The following KANSL1 variants were observed in gnomAD, a reference collection of about 807,000 sequenced individuals.
KANSL1 encodes KAT8 regulatory NSL complex subunit 1, also known as MLL1/MLL complex subunit KANSL1.
Under a neutral mutation model 103.6 loss-of-function variants are expected in KANSL1, and 22 were observed. That is an observed-to-expected ratio of 0.21 (90% CI 0.15 to 0.30). The LOEUF (loss-of-function observed/expected upper bound fraction) is 0.30. Among genes scored for constraint, KANSL1 ranks in the 10% least tolerant of loss-of-function variants. KANSL1 has a pLI of 1.00. For synonymous variants in KANSL1, 600 were observed against 527.6 expected (o/e 1.14, Z -1.88); for missense variants, 1,337 against 1,399.8 (o/e 0.96, Z 0.72).
At position 46,039,728 on chromosome 17, in the gene KANSL1, A is replaced by G; in HGVS notation, c.2177T>C (p.Leu726Ser). 1 of 1,613,964 alleles carries G rather than the reference A, an allele frequency of 6.2e-7. No homozygotes were observed. Among genetic ancestry groups the G allele is most frequent in the Non-Finnish European group, 8.5e-7 (1 of 1,179,918 alleles). The stretch of plus-strand genomic sequence containing the variant: ...GGCTGTTGTTAGGAAGGAGCTGACC[A>G]ATTTGTGCCTGTCCTTACGAGCTGA... The part of the protein sequence containing the change: ...PDSARKDRHK[L>S]VSSFLTTAKL... The change falls in exon 8 of 15, where the codon TTG (leucine) becomes TCG (serine). Residue 726 changes from leucine to serine, a missense_variant. Around this residue, in one of 2 missense-constraint regions of KANSL1, gnomAD observed 780 missense variants for 923.4 expected, o/e 0.84. Transcript: ENST00000432791.
chr17:46,178,432 A>G (rs758444800), intron 1 of KANSL1, among the ~76,000 whole-genome samples: 1 of 152,260 alleles, frequency 6.6e-6, no homozygotes, highest in African/African-American at 2.4e-5. Flanking sequence ...CAGACTGTAC[A>G]TTCAGAATAA....
intron 7 of KANSL1, chr17:46,040,338 T>TAC (rs1364698027): frequency 1.3e-5 from 2 of 155,684 alleles, no homozygotes; most frequent in Non-Finnish European, 2.8e-5. Flanking sequence ...AAATAAGAAC[T>TAC]ACATACCATT....
intron 2 of KANSL1, among the ~76,000 whole-genome samples, chr17:46,165,542 A>C (rs2045954297): frequency 6.9e-6 from 1 of 145,636 alleles, no homozygotes; most frequent in Admixed American, 6.8e-5. Context: ...ACACAGTTTC[A>C]CTCTGCCACC....
chr17:46,168,615 G>A (rs989895891), intron 2 of KANSL1, among the ~76,000 whole-genome samples: 2 of 152,174 alleles, frequency 1.3e-5, no homozygotes, highest in Non-Finnish European at 2.9e-5. Flanking sequence ...CCAAAGTGCT[G>A]GGTGGGATTA....
intron 6 of KANSL1, among the ~76,000 whole-genome samples, chr17:46,052,655 A>G (rs762116380): frequency 2.0e-5 from 3 of 151,814 alleles, no homozygotes; most frequent in Non-Finnish European, 2.9e-5. Flanking sequence ...AAAAAATTCA[A>G]TAGATGTGGC....
At chr17:46,091,491 T>C (rs2079387080) in intron 3 of KANSL1, among the ~76,000 whole-genome samples, 1 of 152,196 alleles carries the variant, frequency 6.6e-6, no homozygotes, top group South Asian at 2.1e-4. Context: ...TGTACAGTCA[T>C]GTCCCAGGCT....
At chr17:46,074,840 A>G (rs886540708) in intron 4 of KANSL1, among the ~76,000 whole-genome samples, 2 of 152,056 alleles carry the variant, frequency 1.3e-5, no homozygotes, top group Non-Finnish European at 2.9e-5. Flanking sequence ...AAAAATGCTA[A>G]TTTTACAGAG....
intron 4 of KANSL1, among the ~76,000 whole-genome samples, chr17:46,073,239 A>C (rs1489656782): frequency 6.6e-5 from 10 of 152,230 alleles, no homozygotes; most frequent in Admixed American, 6.5e-4. Flanking sequence ...CTTCTGAGAA[A>C]GCATTAGCTC....
At chr17:46,177,376 T>C (rs575192457) in intron 1 of KANSL1, among the ~76,000 whole-genome samples, 2 of 152,382 alleles carry the variant, frequency 1.3e-5, no homozygotes, top group Admixed American at 1.3e-4. Flanking sequence ...CTAAGTTTAG[T>C]ACTTTAATCT....
intron 2 of KANSL1, among the ~76,000 whole-genome samples, chr17:46,144,366 C>A (rs2044587058): frequency 6.6e-6 from 1 of 152,204 alleles, no homozygotes; most frequent in Non-Finnish European, 1.5e-5. Flanking sequence ...CAACAACAAA[C>A]TTCTGAAATA....
intron 7 of KANSL1, chr17:46,041,363 TTCTG>T (rs2077307518): frequency 6.6e-6 from 1 of 152,210 alleles, no homozygotes; most frequent in Admixed American, 6.5e-5. Context: ...GTTTTCAATA[TTCTG>T]ACATTTCACC....
Position 46,146,702 on chromosome 17 carries a change from G to A in KANSL1, c.1289+24153C>T, listed in dbSNP as rs573555852. On this transcript the variant is annotated intron_variant, in intron 2 of 14. Transcript: ENST00000432791. ...CAAAAAATTAGCCGGGCGTAGTGGC[G>A]GGCGCCTGTAGTCCCAGCTACTTGG... Among the ~76,000 whole-genome samples the A allele has an allele frequency of 1.5e-3, 217 of 143,662 alleles. 22 individuals are homozygous for A. Among genetic ancestry groups the A allele is most frequent in the Non-Finnish European group, 2.5e-3 (155 of 62,854 alleles). The allele number at this position is 143,662 out of a possible 152,430, so 94.2% of individuals were successfully genotyped here. A position where few individuals can be genotyped will look rare whatever the true frequency, so the allele number is the denominator to read the frequency against.
intron 6 of KANSL1, among the ~76,000 whole-genome samples, chr17:46,051,467 TA>T (rs2077709455): frequency 1.3e-5 from 2 of 152,226 alleles, no homozygotes; most frequent in Non-Finnish European, 2.9e-5. Flanking sequence ...AGTCCAAAGT[TA>T]AATATGAACT....
intron 2 of KANSL1, among the ~76,000 whole-genome samples, chr17:46,123,742 G>C (rs925649867): frequency 2.6e-5 from 4 of 152,226 alleles, no homozygotes; most frequent in African/African-American, 9.6e-5. Context: ...GACGGAGGCT[G>C]CTTTACGAAG....
chr17:46,154,828 G>C (rs1286131863), intron 2 of KANSL1, among the ~76,000 whole-genome samples: 1 of 152,132 alleles, frequency 6.6e-6, no homozygotes, highest in Non-Finnish European at 1.5e-5. Context: ...CCATCTCCAG[G>C]TTTAATCTTT....
chr17:46,100,211 A>T (rs1281557923), intron 2 of KANSL1, among the ~76,000 whole-genome samples: 1 of 152,140 alleles, frequency 6.6e-6, no homozygotes, highest in Non-Finnish European at 1.5e-5. Context: ...TGTTTTCTTC[A>T]TGTGACTCAA....
At chr17:46,196,205 T>C (rs1157282479), upstream of KANSL1, 1 of 411,056 alleles carries the variant, frequency 2.4e-6, no homozygotes, top group Non-Finnish European at 4.8e-6. Context: ...GCCATTGTAG[T>C]CCAACCTGGG....
intron 4 of KANSL1, among the ~76,000 whole-genome samples, chr17:46,078,553 A>G (rs970096629): frequency 2.0e-5 from 3 of 147,492 alleles, no homozygotes; most frequent in Non-Finnish European, 4.6e-5. Context: ...CCATCCTCTG[A>G]TAATATACAA....
chr17:46,120,895 T>C (rs1480926206), intron 2 of KANSL1, among the ~76,000 whole-genome samples: 1 of 152,210 alleles, frequency 6.6e-6, no homozygotes, highest in Non-Finnish European at 1.5e-5. Context: ...AGCATCTCAT[T>C]ATCTTTATCA....
Sources: allele counts gnomAD v4.1 joint callset (sites outside exome capture counted in the v4.1 genomes callset), GRCh38; gene constraint gnomAD v4.1.1; regional missense constraint gnomAD v4.1.1; transcripts MANE v1.5; gene names NCBI Gene and HGNC (gene_info 2026-07-23, HGNC 2026-07-21).